Variants in RIMOC1 observed in about 807,000 individuals in gnomAD.
RIMOC1 encodes the protein RAB7A interacting MON1-CCZ1 complex subunit 1.
chr5:41,908,213 A>G, the RIMOC1 span: 24 of 162,422 alleles, frequency 1.5e-4, no homozygotes, highest in Admixed American at 3.9e-4. Context: ...TACCTTCCCT[A>G]GGATTCTCAA....
At chr5:41,908,700 G>T in the RIMOC1 span, among the ~76,000 whole-genome samples, 3 of 152,070 alleles carry the variant, frequency 2.0e-5, no homozygotes, top group African/African-American at 7.2e-5. Context: ...AGAAGACTCT[G>T]TGCTTGTCTG....
chr5:41,917,900 A>G, the RIMOC1 span: 4 of 839,262 alleles, frequency 4.8e-6, no homozygotes, highest in Non-Finnish European at 5.7e-6. Context: ...TAGGCATTTT[A>G]TAAAAATTTA....
At chr5:41,905,360 G>C in the RIMOC1 span, among the ~76,000 whole-genome samples, 1 of 152,146 alleles carries the variant, frequency 6.6e-6, no homozygotes, top group Non-Finnish European at 1.5e-5. Context: ...GTTTTTAGAG[G>C]CAGAGTATCA....
chr5:41,917,195 T>G, the RIMOC1 span: 1 of 1,613,810 alleles, frequency 6.2e-7, no homozygotes, highest in African/African-American at 1.3e-5. Context: ...AGAAAAAATC[T>G]TGAAAAAGTA....
chr5:41,912,144 T>TAGGA, the RIMOC1 span: 2 of 1,610,732 alleles, frequency 1.2e-6, no homozygotes, highest in African/African-American at 2.7e-5. Flanking sequence ...TGAAGGAGTT[T>TAGGA]CTTTCCAAGA....
chr5:41,909,670 C>A, the RIMOC1 span: 1 of 1,072,646 alleles, frequency 9.3e-7, no homozygotes, highest in Non-Finnish European at 1.3e-6. Flanking sequence ...CCTATGTGTG[C>A]AAGGTTAGAC....
chr5:41,909,807 ACT>A, the RIMOC1 span: 3 of 1,593,068 alleles, frequency 1.9e-6, no homozygotes, highest in Non-Finnish European at 2.6e-6. Context: ...TTTCCTGAAG[ACT>A]CTTCTTCACA....
At chr5:41,921,544 G>A in the RIMOC1 span, 10 of 151,278 alleles carry the variant, frequency 6.6e-5, no homozygotes, top group East Asian at 1.9e-4. Context: ...ATTTATGCTG[G>A]TGTTCTTTCA....
At chr5:41,905,432 G>A in the RIMOC1 span, among the ~76,000 whole-genome samples, 1 of 152,136 alleles carries the variant, frequency 6.6e-6, no homozygotes, top group Admixed American at 6.5e-5. Context: ...CATCTCGCCC[G>A]GCTAACTTTG....
the RIMOC1 span, among the ~76,000 whole-genome samples, chr5:41,913,142 C>A: frequency 6.6e-6 from 1 of 152,320 alleles, no homozygotes; most frequent in East Asian, 1.9e-4. Context: ...TTTCAGGCTA[C>A]AGGAATGGCA....
chr5:41,914,439 A>G, the RIMOC1 span, among the ~76,000 whole-genome samples: 1 of 150,460 alleles, frequency 6.6e-6, no homozygotes, highest in African/African-American at 2.4e-5. Context: ...CCTGGGGGAT[A>G]GAGCCAGACT....
the RIMOC1 span, chr5:41,921,415 G>T: frequency 6.9e-6 from 1 of 145,260 alleles, no homozygotes; most frequent in Non-Finnish European, 1.5e-5. Flanking sequence ...TAGTTTTTTA[G>T]TTTCACTTCC....
the RIMOC1 span, chr5:41,917,468 T>G: frequency 2.2e-6 from 3 of 1,344,340 alleles, no homozygotes; most frequent in Non-Finnish European, 2.9e-6. Context: ...TTTCATTATA[T>G]ATTAGTAAAC....
At chr5:41,921,255 C>T in the RIMOC1 span, 10 of 152,508 alleles carry the variant, frequency 6.6e-5, no homozygotes, top group Admixed American at 6.5e-4. Context: ...AAAAGGCATT[C>T]TTAGATTCAT....
At chr5:41,910,721 A>C in the RIMOC1 span, among the ~76,000 whole-genome samples, 1 of 152,058 alleles carries the variant, frequency 6.6e-6, no homozygotes, top group Non-Finnish European at 1.5e-5. Flanking sequence ...ATCTCACTTC[A>C]AGTAATGTAT....
At chr5:41,916,536 C>G in the RIMOC1 span, 39 of 853,046 alleles carry the variant, frequency 4.6e-5, no homozygotes, top group African/African-American at 6.6e-4. Context: ...ATTTCTTAGA[C>G]TTTTAGAGAA....
the RIMOC1 span, chr5:41,909,937 C>G: frequency 3.5e-6 from 5 of 1,427,022 alleles, no homozygotes; most frequent in Non-Finnish European, 4.7e-6. Flanking sequence ...ATTGCTGGTA[C>G]TTGCTGTCCT....
the RIMOC1 span, chr5:41,921,201 C>G: frequency 6.6e-6 from 1 of 152,594 alleles, no homozygotes; most frequent in South Asian, 2.1e-4. Flanking sequence ...GCTTTACAGT[C>G]TTGCTGTGAA....
the RIMOC1 span, among the ~76,000 whole-genome samples, chr5:41,908,814 T>C: frequency 6.6e-6 from 1 of 152,258 alleles, no homozygotes; most frequent in Non-Finnish European, 1.5e-5. Context: ...AATTTTAAGA[T>C]CCTCTTAAAC....
Sources: allele counts gnomAD v4.1 joint callset (sites outside exome capture counted in the v4.1 genomes callset), GRCh38; gene constraint gnomAD v4.1.1; transcripts MANE v1.5; gene names NCBI Gene and HGNC (gene_info 2026-07-23, HGNC 2026-07-21).